PPP1CC: variants seen among roughly 807,000 people sequenced by gnomAD.
PPP1CC encodes the protein protein phosphatase 1 catalytic subunit gamma.
In PPP1CC, 16 loss-of-function variants were observed where a neutral mutation model predicts 38.4. That is an observed-to-expected ratio of 0.42 (90% CI 0.28 to 0.63). The LOEUF (loss-of-function observed/expected upper bound fraction) is 0.63, where lower values mean the gene tolerates loss of function less well. Among genes scored for constraint, PPP1CC ranks in the 30% least tolerant of loss-of-function variants. PPP1CC has a pLI of 0.25. For missense variants in PPP1CC, 170 were observed against 391.3 expected (o/e 0.43, Z 4.77); for synonymous variants, 158 against 136.0 (o/e 1.16, Z -1.13).
intron 3 of PPP1CC, chr12:110,725,837 A>G (rs1385987206): frequency 2.0e-5 from 3 of 152,306 alleles, no homozygotes; most frequent in Admixed American, 6.5e-5. Context: ...CGAGGCGGGC[A>G]GACCATCTGA....
chr12:110,739,813 C>G (rs1593587446), intron 1 of PPP1CC, among the ~76,000 whole-genome samples: 2 of 152,208 alleles, frequency 1.3e-5, no homozygotes, highest in Admixed American at 1.3e-4. Flanking sequence ...AGTAAAACTG[C>G]CCCAAATCTC....
At chr12:110,738,587 A>G (rs546273146) in intron 1 of PPP1CC, among the ~76,000 whole-genome samples, 8 of 152,194 alleles carry the variant, frequency 5.3e-5, no homozygotes, top group Non-Finnish European at 1.0e-4. Flanking sequence ...TTTCAAAGAC[A>G]TCAAATCACC....
downstream of PPP1CC, among the ~76,000 whole-genome samples, chr12:110,717,282 C>T (rs2069694689): frequency 6.6e-6 from 1 of 152,180 alleles, no homozygotes; most frequent in South Asian, 2.1e-4. Flanking sequence ...ATCTGATTTG[C>T]AGGACTGAAA....
At chr12:110,721,203 T>G in intron 6 of PPP1CC, 38 bp from the exon 7 acceptor site, 2 of 1,551,810 alleles carry the variant, frequency 1.3e-6, no homozygotes, top group Non-Finnish European at 1.8e-6. Flanking sequence ...GGAAATATAC[T>G]CAACCCCAAA....
chr12:110,714,124 T>G, the PPP1CC span, among the ~76,000 whole-genome samples: 1 of 151,910 alleles, frequency 6.6e-6, no homozygotes, highest in African/African-American at 2.4e-5. Context: ...CAAAAAAACT[T>G]TCATTCTAGC....
chr12:110,731,328 C>T (rs1249400457), intron 2 of PPP1CC, among the ~76,000 whole-genome samples: 1 of 152,020 alleles, frequency 6.6e-6, no homozygotes, highest in African/African-American at 2.4e-5. Context: ...GAATATATTA[C>T]TCAAACGAAT....
chr12:110,741,311 C>G (rs1018795015), intron 1 of PPP1CC, among the ~76,000 whole-genome samples: 3 of 152,110 alleles, frequency 2.0e-5, no homozygotes, highest in African/African-American at 7.2e-5. Flanking sequence ...ATTCTAACAC[C>G]AGAGCTGTCC....
intron 3 of PPP1CC, among the ~76,000 whole-genome samples, chr12:110,728,873 T>A (rs1392121570): frequency 6.6e-6 from 1 of 152,132 alleles, no homozygotes; most frequent in Non-Finnish European, 1.5e-5. Context: ...AGGGCTCAGT[T>A]TGTGAATATA....
At chr12:110,733,403 T>C (rs2069904173) in intron 1 of PPP1CC, among the ~76,000 whole-genome samples, 1 of 152,234 alleles carries the variant, frequency 6.6e-6, no homozygotes, top group African/African-American at 2.4e-5. Context: ...TCATACCATA[T>C]AATGGCAAGC....
At chr12:110,715,500 T>C (rs141616059), downstream of PPP1CC, among the ~76,000 whole-genome samples, 44 of 151,880 alleles carry the variant, frequency 2.9e-4, no homozygotes, top group African/African-American at 9.7e-4. Context: ...TTTTGTATTA[T>C]TATATTTTTA....
chr12:110,712,043 A>G, the PPP1CC span, among the ~76,000 whole-genome samples: 1 of 152,118 alleles, frequency 6.6e-6, no homozygotes. Flanking sequence ...CTATAATACC[A>G]TATTTTTACT....
rs754644471 is a variant in PPP1CC, at chr12:110,720,066, T to C, written c.*1010A>G. 7.9e-6 allele frequency: 11 copies of C among 1,385,094 alleles called. No homozygotes were observed. In the South Asian group the frequency reaches 1.3e-4, roughly 16 times the overall value. 85.8% of individuals were successfully genotyped at this position (1,385,094 alleles called of 1,614,324 possible). A position where few individuals can be genotyped will look rare whatever the true frequency, so the allele number is the denominator to read the frequency against. On this transcript the variant is annotated 3_prime_UTR_variant, in exon 7 of 7. Transcript: ENST00000335007. ...ACTGGTGGACAGTAAGTTAGTTCCT[T>C]TGTTTTAACTTATAAGCCTCAACTT...
intron 1 of PPP1CC, among the ~76,000 whole-genome samples, chr12:110,737,497 A>AAAAAAAAAAG (rs2069959460): frequency 1.4e-5 from 2 of 147,618 alleles, no homozygotes; most frequent in Admixed American, 6.7e-5. Flanking sequence ...AAAAAAAAAA[A>AAAAAAAAAAG]AAAAGAAAAG....
intron 1 of PPP1CC, chr12:110,732,255 C>A: frequency 5.8e-6 from 2 of 343,388 alleles, no homozygotes; most frequent in Non-Finnish European, 1.0e-5. Context: ...GTCAAGAGAT[C>A]CAGACCATCC....
Position 110,731,878 on chromosome 12 carries a change from T to C in PPP1CC, c.79A>G (p.Asn27Asp). Residue 27 changes from asparagine to aspartate, a missense_variant, in exon 2 of 7, where the codon AAT becomes GAT. By Grantham distance (23) the Asn-to-Asp change is conservative. This residue lies in a region of PPP1CC where 117 missense variants were observed against 344.4 expected (regional missense o/e 0.34). Transcript: ENST00000335007. ...LEVRGSKPGK[N>D]VQLQENEIRG... Reference sequence around the variant, plus strand: ...ATTTCATTCTCCTGAAGCTGGACATTCTTACCAGGCTTGGACCCTCTCACT... The same window carrying C: ...ATTTCATTCTCCTGAAGCTGGACATCCTTACCAGGCTTGGACCCTCTCACT... The C allele has an allele frequency of 6.2e-7, 1 of 1,613,780 alleles. No homozygotes were observed. The highest frequency in any genetic ancestry group is 8.5e-7 in the Non-Finnish European group (1 of 1,179,742).
chr12:110,718,308 C>T (rs1242990404), downstream of PPP1CC, among the ~76,000 whole-genome samples: 1 of 152,178 alleles, frequency 6.6e-6, no homozygotes, highest in Non-Finnish European at 1.5e-5. Flanking sequence ...ATGCCTAGCA[C>T]CTGCCTTTCT....
chr12:110,740,025 C>CA (rs1215813003), intron 1 of PPP1CC, among the ~76,000 whole-genome samples: 2 of 152,190 alleles, frequency 1.3e-5, no homozygotes, highest in East Asian at 1.9e-4. Flanking sequence ...CAGAAATACT[C>CA]AGAGTTCAGA....
At chr12:110,729,885 A>T (rs796989435) in intron 3 of PPP1CC, among the ~76,000 whole-genome samples, 1 of 152,208 alleles carries the variant, frequency 6.6e-6, no homozygotes, top group Non-Finnish European at 1.5e-5. Flanking sequence ...AAAGTTGCTT[A>T]AAAAAACTAT....
the PPP1CC span, among the ~76,000 whole-genome samples, chr12:110,708,757 G>GA: frequency 6.7e-6 from 1 of 149,306 alleles, no homozygotes; most frequent in Admixed American, 6.8e-5. Context: ...GCTGAGACAG[G>GA]AAAATTGCTT....
Sources: allele counts gnomAD v4.1 joint callset (sites outside exome capture counted in the v4.1 genomes callset), GRCh38; gene constraint gnomAD v4.1.1; regional missense constraint gnomAD v4.1.1; transcripts MANE v1.5; gene names NCBI Gene and HGNC (gene_info 2026-07-23, HGNC 2026-07-21).